HDAC9: variants seen among roughly 807,000 people sequenced by gnomAD.
HDAC9 encodes the protein MEF-2 interacting transcription repressor (MITR) protein.
HDAC9 carries 41 observed loss-of-function variants against 139.4 expected under a neutral mutation model. The ratio of observed to expected loss-of-function variants is 0.29; its 90% CI spans 0.23 to 0.38. The LOEUF is 0.38. HDAC9 is among the 10% of genes least tolerant of loss of function. The pLI is 1.00. For synonymous variants in HDAC9, 517 were observed against 476.2 expected (o/e 1.09, Z -1.12); for missense variants, 1,147 against 1,297.0 (o/e 0.88, Z 1.78).
At chr7:18,599,800 C>A (rs1007725018) in intron 6 of HDAC9, among the ~76,000 whole-genome samples, 1 of 152,002 alleles carries the variant, frequency 6.6e-6, no homozygotes, top group Non-Finnish European at 1.5e-5. Context: ...TGGGTAAATA[C>A]CTAGGAGTAC....
intron 6 of HDAC9, among the ~76,000 whole-genome samples, chr7:18,614,029 T>C (rs893474142): frequency 6.6e-6 from 1 of 152,116 alleles, no homozygotes; most frequent in African/African-American, 2.4e-5. Flanking sequence ...TCTATTTCAA[T>C]TGTCACCATC....
intron 16 of HDAC9, among the ~76,000 whole-genome samples, chr7:18,780,110 T>C (rs1050934081): frequency 6.6e-6 from 1 of 152,010 alleles, no homozygotes; most frequent in African/African-American, 2.4e-5. Context: ...CACTCAGGGA[T>C]GGCATTGCTA....
chr7:18,622,096 T>C (rs1032720191), intron 6 of HDAC9, among the ~76,000 whole-genome samples: 5 of 152,120 alleles, frequency 3.3e-5, no homozygotes, highest in African/African-American at 1.2e-4. Flanking sequence ...TGGCAGCTCC[T>C]AAGGGATCCC....
intron 22 of HDAC9, among the ~76,000 whole-genome samples, chr7:18,894,416 G>A (rs566376121): frequency 6.0e-4 from 92 of 152,198 alleles, no homozygotes; most frequent in Non-Finnish European, 1.2e-3. Flanking sequence ...ATGGAGGCAA[G>A]CCGTTCAAAG....
intron 2 of HDAC9, among the ~76,000 whole-genome samples, chr7:18,219,578 A>C (rs1289309544): frequency 6.6e-6 from 1 of 152,116 alleles, no homozygotes; most frequent in Non-Finnish European, 1.5e-5. Flanking sequence ...CATAATTGAG[A>C]GTTGTCTAGT....
At chr7:18,812,231 G>A (rs1794229259) in intron 17 of HDAC9, among the ~76,000 whole-genome samples, 1 of 151,730 alleles carries the variant, frequency 6.6e-6, no homozygotes, top group Admixed American at 6.6e-5. Context: ...GACAATTTAT[G>A]GAATGTCTTT....
intron 21 of HDAC9, among the ~76,000 whole-genome samples, chr7:18,866,050 C>G (rs1798471751): frequency 6.7e-6 from 1 of 149,210 alleles, no homozygotes; most frequent in Non-Finnish European, 1.5e-5. Flanking sequence ...AGTTTCCACT[C>G]TTGTTCAGAA....
At chr7:18,868,679 C>T (rs1261532463) in intron 21 of HDAC9, among the ~76,000 whole-genome samples, 4 of 151,786 alleles carry the variant, frequency 2.6e-5, no homozygotes, top group African/African-American at 7.3e-5. Flanking sequence ...TGTTTTTTGC[C>T]ATTAAAAGTA....
At chr7:18,865,655 C>T (rs1798436599) in intron 21 of HDAC9, among the ~76,000 whole-genome samples, 1 of 152,142 alleles carries the variant, frequency 6.6e-6, no homozygotes, top group African/African-American at 2.4e-5. Context: ...CTAGCAGCCA[C>T]AACAGCTGCC....
chr7:18,542,576 A>G (rs13235348), intron 2 of HDAC9, among the ~76,000 whole-genome samples: 3 of 152,364 alleles, frequency 2.0e-5, no homozygotes, highest in African/African-American at 7.2e-5. Flanking sequence ...TTAATAAGTG[A>G]CAGTAAATAC....
chr7:18,655,058 G>C (rs934449194), intron 11 of HDAC9, among the ~76,000 whole-genome samples: 1 of 152,132 alleles, frequency 6.6e-6, no homozygotes, highest in Admixed American at 6.6e-5. Context: ...GGAAGTTACC[G>C]ACTTCATCAG....
At chr7:18,806,774 A>G (rs1003039090) in intron 17 of HDAC9, among the ~76,000 whole-genome samples, 1 of 152,150 alleles carries the variant, frequency 6.6e-6, no homozygotes. Flanking sequence ...ACTGTGTTAT[A>G]TCACGTTTAT....
intron 6 of HDAC9, among the ~76,000 whole-genome samples, chr7:18,598,562 C>G (rs1833083138): frequency 6.6e-6 from 1 of 152,130 alleles, no homozygotes; most frequent in Admixed American, 6.6e-5. Context: ...TTGGTTTGCA[C>G]AGTTATTTTT....
intron 22 of HDAC9, among the ~76,000 whole-genome samples, chr7:18,877,144 G>C (rs897677111): frequency 6.6e-6 from 1 of 152,128 alleles, no homozygotes; most frequent in Non-Finnish European, 1.5e-5. Context: ...CTGGGCAACT[G>C]TATATATTAT....
At chr7:18,872,088 C>T (rs1439941784) in intron 21 of HDAC9, among the ~76,000 whole-genome samples, 2 of 152,232 alleles carry the variant, frequency 1.3e-5, no homozygotes, top group East Asian at 3.9e-4. Flanking sequence ...CATGATGCCT[C>T]TGTTCTCATC....
At chr7:18,492,089 G>A (rs773321320), upstream of HDAC9, among the ~76,000 whole-genome samples, 17 of 151,904 alleles carry the variant, frequency 1.1e-4, no homozygotes, top group Non-Finnish European at 1.2e-4. Flanking sequence ...CAATAATCCT[G>A]CATACGACCA....
intron 2 of HDAC9, among the ~76,000 whole-genome samples, chr7:18,265,462 A>G (rs1490021123): frequency 6.6e-6 from 1 of 152,194 alleles, no homozygotes; most frequent in African/African-American, 2.4e-5. Context: ...CTGACGAAGC[A>G]TGTGGCTAGA....
intron 25 of HDAC9, among the ~76,000 whole-genome samples, chr7:18,992,934 T>C (rs1786108671): frequency 6.6e-6 from 1 of 152,216 alleles, no homozygotes. Flanking sequence ...TTCAGCTCCC[T>C]GCATGTCTTT....
chr7:18,832,768 T>C (rs1252910535), intron 19 of HDAC9, among the ~76,000 whole-genome samples: 1 of 152,056 alleles, frequency 6.6e-6, no homozygotes, highest in Non-Finnish European at 1.5e-5. Flanking sequence ...GGAGTTTCGC[T>C]CTTGTTGCCC....
Sources: gnomAD v4.1 joint callset for allele counts (sites outside exome capture counted in the v4.1 genomes callset) on GRCh38, gnomAD v4.1.1 for gene constraint, MANE v1.5 for transcripts, NCBI Gene and HGNC (gene_info 2026-07-23, HGNC 2026-07-21) for gene names.